The following SYT10 variants were observed in gnomAD, a reference collection of about 807,000 sequenced individuals.
SYT10 encodes the protein synaptotagmin 10.
Under a neutral mutation model 51.1 loss-of-function variants are expected in SYT10, and 31 were observed. The observed-to-expected ratio is 0.61, with a 90% CI of 0.46 to 0.82. The LOEUF (loss-of-function observed/expected upper bound fraction) is 0.82. Among genes scored for constraint, SYT10 ranks in the 40% least tolerant of loss-of-function variants. The pLI is 0.00. For synonymous variants in SYT10, 233 were observed against 225.9 expected (o/e 1.03, Z -0.28); for missense variants, 603 against 634.0 (o/e 0.95, Z 0.53).
intron 2 of SYT10, among the ~76,000 whole-genome samples, chr12:33,425,193 A>G: frequency 6.6e-6 from 1 of 152,162 alleles, no homozygotes; most frequent in East Asian, 1.9e-4. Context: ...TTCGGTTTAG[A>G]GAGATAAAAA....
intron 1 of SYT10, among the ~76,000 whole-genome samples, chr12:33,427,016 A>C (rs1270664913): frequency 2.0e-5 from 3 of 152,188 alleles, no homozygotes; most frequent in Non-Finnish European, 4.4e-5. Flanking sequence ...CAACCTCCAT[A>C]GATTCTTTCT....
Position 33,426,202 on chromosome 12 carries a change from T to C in SYT10, c.445A>G (p.Lys149Glu). ...DIPAEVQTAL[K>E]EHLIKHARVQ... is the part of the protein sequence containing the mutation. ...CGTGCATGTTTAATTAAATGTTCTTTTAAAGCAGTTTGGACTTCTGCTGGG... is the reference window on the plus strand; with the variant it reads ...CGTGCATGTTTAATTAAATGTTCTTCTAAAGCAGTTTGGACTTCTGCTGGG... The change falls in exon 2 of 7, where the codon AAA becomes GAA. Residue 149 changes from lysine (K) to glutamate (E), a missense_variant. By Grantham distance (56) the Lys-to-Glu change is moderately conservative. Coordinates refer to ENST00000228567, the MANE Select transcript of SYT10 (RefSeq NM_198992.4). 1.2e-6 allele frequency: 2 copies of C among 1,613,730 alleles called. No individual in the cohort carries two copies.
intron 2 of SYT10, among the ~76,000 whole-genome samples, chr12:33,413,196 T>G (rs1447551214): frequency 6.6e-6 from 1 of 152,130 alleles, no homozygotes; most frequent in Non-Finnish European, 1.5e-5. Context: ...AAAGACCAAA[T>G]CTACATCTGA....
chr12:33,424,055 A>T (rs7980799), intron 2 of SYT10: 1 of 454,110 alleles, frequency 2.2e-6, no homozygotes, highest in Non-Finnish European at 4.4e-6. Context: ...TGATTGATAT[A>T]AAAGTTCTAG....
chr12:33,423,337 A>ATG (rs140116235), intron 2 of SYT10, among the ~76,000 whole-genome samples: 182 of 148,558 alleles, frequency 1.2e-3, no homozygotes, highest in African/African-American at 4.3e-3. Flanking sequence ...TGTGTGTGTT[A>ATG]TGTGTGTGTG....
Position 33,385,221 on chromosome 12 carries a change from G to A in SYT10, c.1148C>T (p.Thr383Ile), listed in dbSNP as rs1183434987. Residue 383 changes from threonine to isoleucine, a missense_variant, in exon 4 of 7, where the codon ACA becomes ATA. Thr to Ile is a moderately conservative substitution (Grantham distance 89). Coordinates refer to ENST00000228567, the MANE Select transcript of SYT10 (RefSeq NM_198992.4). ...YLPTAGRMTL[T>I]VIKCRNLKAM... is the part of the protein sequence containing the mutation. Reference sequence around the variant, plus strand: ...CTTCAGATTTCTGCACTTAATGACTGTCAATGTCATACGCCCAGCCGTCGG... The same window carrying A: ...CTTCAGATTTCTGCACTTAATGACTATCAATGTCATACGCCCAGCCGTCGG... The A allele has an allele frequency of 1.2e-6, 2 of 1,613,486 alleles. No homozygotes were observed. Among genetic ancestry groups the A allele is most frequent in the African/African-American group, 1.3e-5 (1 of 74,826 alleles).
intron 1 of SYT10, among the ~76,000 whole-genome samples, chr12:33,430,593 T>C (rs1468031298): frequency 6.6e-6 from 1 of 152,356 alleles, no homozygotes; most frequent in Admixed American, 6.5e-5. Context: ...TCTATCTGTA[T>C]CTTTTTAAAA....
At chr12:33,390,746 A>C (rs776626210) in intron 3 of SYT10, among the ~76,000 whole-genome samples, 44 of 152,266 alleles carry the variant, frequency 2.9e-4, no homozygotes, top group Admixed American at 6.5e-4. Context: ...TGAGTGCATA[A>C]AAAATGCCAA....
At position 33,402,701 on chromosome 12, in the gene SYT10, T is replaced by C. The variant is rs1866316824; in HGVS notation, c.1077+4088A>G. 2.0e-5 allele frequency among the ~76,000 whole-genome samples: 3 copies of C among 152,148 alleles called. No homozygotes were observed. The South Asian group carries it at 6.2e-4, about 31-fold the overall frequency. ...TCAAATGCAGTAGAACAGAAAATTT[T>C]AGAGAATGAACTGTTCTAGGAAGAT... On this transcript the variant is annotated intron_variant, in intron 3 of 6. Coordinates refer to ENST00000228567, the MANE Select transcript of SYT10 (RefSeq NM_198992.4).
chr12:33,424,034 G>A (rs1331586234), intron 2 of SYT10: 2 of 455,158 alleles, frequency 4.4e-6, no homozygotes, highest in Middle Eastern at 3.2e-4. Context: ...GAAAGTCAGA[G>A]GCAGGTGAAA....
chr12:33,385,420 A>G, intron 3 of SYT10, 129 bp from the exon 4 acceptor site: 1 of 1,328,032 alleles, frequency 7.5e-7, no homozygotes. Flanking sequence ...TAACATTGCA[A>G]GAAAGCTATT....
chr12:33,374,939 A>G lies in SYT10; in HGVS notation c.*1891T>C, dbSNP rs2138374674. On this transcript the variant is annotated 3_prime_UTR_variant, in exon 7 of 7. Transcript: ENST00000228567. ...TTAAGCTGCAGTTATATCTACTAAT[A>G]AAACAACTGTCTCCAAAAATGTCAT... is the stretch of plus-strand genomic sequence containing the variant. The G allele has an allele frequency of 6.6e-6, 1 of 152,162 alleles. No homozygotes were observed. The highest frequency in any genetic ancestry group is 2.4e-5 in the African/African-American group (1 of 41,568). 9.4% of individuals were successfully genotyped at this position (152,162 alleles called of 1,614,324 possible).
chr12:33,439,208 T>C (rs181628630), intron 1 of SYT10, among the ~76,000 whole-genome samples, 164 bp downstream of exon 1: 67 of 152,322 alleles, frequency 4.4e-4, no homozygotes, highest in African/African-American at 1.4e-3. Flanking sequence ...CGCCCCACCC[T>C]CGAAGTCGTC....
At chr12:33,424,576 T>C (rs1373540933) in intron 2 of SYT10, among the ~76,000 whole-genome samples, 1 of 151,994 alleles carries the variant, frequency 6.6e-6, no homozygotes. Flanking sequence ...ATCAAGTAAA[T>C]ACATGAGGTA....
chr12:33,385,354 A>C, intron 3 of SYT10, 63 bp from the exon 4 acceptor site: 2 of 1,580,668 alleles, frequency 1.3e-6, no homozygotes, highest in Non-Finnish European at 1.7e-6. Flanking sequence ...AAAAATAATC[A>C]TTTTAGTAGA....
intron 1 of SYT10, among the ~76,000 whole-genome samples, chr12:33,428,969 T>C (rs1010042811): frequency 3.3e-5 from 5 of 151,648 alleles, no homozygotes; most frequent in African/African-American, 9.7e-5. Context: ...GATAATTCCT[T>C]CAGGAAATTA....
chr12:33,418,521 A>G (rs1866474272), intron 2 of SYT10, among the ~76,000 whole-genome samples: 1 of 152,166 alleles, frequency 6.6e-6, no homozygotes, highest in African/African-American at 2.4e-5. Flanking sequence ...TTAGATTTCT[A>G]ACAGAATCTT....
chr12:33,408,919 T>G (rs1866381887), intron 2 of SYT10, among the ~76,000 whole-genome samples: 1 of 152,200 alleles, frequency 6.6e-6, no homozygotes, highest in South Asian at 2.1e-4. Context: ...TAAATCCTGT[T>G]GCTTTTCCTT....
At chr12:33,427,103 G>A (rs10844600) in intron 1 of SYT10, among the ~76,000 whole-genome samples, 20,286 of 151,718 alleles carry the variant, frequency 0.13, 1,581 homozygotes, top group African/African-American at 0.19. Context: ...TTGTGCTATG[G>A]CCTGAATTTT....
Sources: allele counts gnomAD v4.1 joint callset (sites outside exome capture counted in the v4.1 genomes callset), GRCh38; gene constraint gnomAD v4.1.1; transcripts MANE v1.5; gene names NCBI Gene and HGNC (gene_info 2026-07-23, HGNC 2026-07-21).